ZNF407: variants seen among roughly 807,000 people sequenced by gnomAD.
ZNF407 encodes zinc finger protein 407.
Under a neutral mutation model 131.2 loss-of-function variants are expected in ZNF407, and 17 were observed. The ratio of observed to expected loss-of-function variants is 0.13; its 90% confidence interval spans 0.09 to 0.19. ZNF407 has a LOEUF of 0.19. ZNF407 is among the 10% of genes least tolerant of loss of function. The pLI, the probability that ZNF407 is intolerant of heterozygous loss-of-function variation, is 1.00. For synonymous variants in ZNF407, 1,156 were observed against 1,062.0 expected (o/e 1.09, Z -1.72); for missense variants, 2,681 against 2,830.6 (o/e 0.95, Z 1.20).
intron 3 of ZNF407, among the ~76,000 whole-genome samples, chr18:74,679,650 G>A (rs1193551511): frequency 6.6e-6 from 1 of 152,178 alleles, no homozygotes; most frequent in East Asian, 1.9e-4. Context: ...AGTCCATTCT[G>A]TTTTTCAATT....
At chr18:75,002,050 A>G (rs1465078725) in intron 8 of ZNF407, among the ~76,000 whole-genome samples, 1 of 152,218 alleles carries the variant, frequency 6.6e-6, no homozygotes, top group East Asian at 1.9e-4. Context: ...CTCCACAGGT[A>G]AAGAAACAGG....
chr18:74,628,968 G>A (rs1452601452), intron 1 of ZNF407, among the ~76,000 whole-genome samples: 1 of 152,060 alleles, frequency 6.6e-6, no homozygotes, highest in Non-Finnish European at 1.5e-5. Flanking sequence ...CAAACATTTG[G>A]GTTGTTTCCA....
intron 4 of ZNF407, among the ~76,000 whole-genome samples, chr18:74,859,185 G>T (rs887663896): frequency 2.0e-5 from 3 of 152,298 alleles, no homozygotes; most frequent in Admixed American, 2.0e-4. Context: ...TACGCATGTT[G>T]AAAGTTATAG....
At chr18:75,036,579 T>A (rs888047618) in intron 8 of ZNF407, among the ~76,000 whole-genome samples, 5 of 152,272 alleles carry the variant, frequency 3.3e-5, no homozygotes, top group Non-Finnish European at 1.5e-5. Context: ...TTGTTTTAAC[T>A]AGACTGCAAT....
At chr18:74,737,255 A>G (rs1335494092) in intron 3 of ZNF407, among the ~76,000 whole-genome samples, 1 of 152,182 alleles carries the variant, frequency 6.6e-6, no homozygotes, top group Non-Finnish European at 1.5e-5. Context: ...AGCTGGTGTT[A>G]ATCATTTACT....
intron 8 of ZNF407, among the ~76,000 whole-genome samples, chr18:75,016,421 A>G (rs994630782): frequency 1.3e-5 from 2 of 152,066 alleles, no homozygotes; most frequent in Non-Finnish European, 2.9e-5. Flanking sequence ...AACTTTTACT[A>G]TTTCTCTTAG....
chr18:74,982,130 A>T (rs1321096182), intron 8 of ZNF407, among the ~76,000 whole-genome samples: 1 of 152,162 alleles, frequency 6.6e-6, no homozygotes, highest in East Asian at 1.9e-4. Context: ...AGTATTGAAA[A>T]CATGTGCCTA....
intron 6 of ZNF407, among the ~76,000 whole-genome samples, chr18:74,885,756 A>G (rs1971300774): frequency 6.6e-6 from 1 of 152,182 alleles, no homozygotes; most frequent in Admixed American, 6.5e-5. Flanking sequence ...GCAGTTGGCT[A>G]TCTATGTGCA....
chr18:74,634,543 A>T lies in ZNF407; in HGVS notation c.3524A>T (p.Asp1175Val). 2 of 1,613,812 alleles carry T rather than the reference A, an allele frequency of 1.2e-6. No homozygotes were observed. Among genetic ancestry groups the T allele is most frequent in the Non-Finnish European group, 1.7e-6 (2 of 1,179,882 alleles). Reference protein sequence around the residue: ...CETFQQAPVKDKVRKPEEMMS... With the variant: ...CETFQQAPVKVKVRKPEEMMS... ...ACTTTCCAACAGGCTCCTGTCAAGG[A>T]TAAAGTTAGGAAACCTGAGGAGATG... The change falls in exon 2 of 9, where the codon GAT (aspartate) becomes GTT (valine). Residue 1175 changes from aspartate (D) to valine (V), a missense_variant. Physicochemically the swap from Asp to Val is radical, Grantham distance 152. Around this residue, in one of 6 missense-constraint regions of ZNF407, gnomAD observed 1,789 missense variants for 1,748.7 expected, o/e 1.02. Coordinates refer to ENST00000299687, the MANE Select transcript of ZNF407 (RefSeq NM_017757.3).
At chr18:74,975,063 AG>A (rs1347970349) in intron 8 of ZNF407, among the ~76,000 whole-genome samples, 1 of 152,236 alleles carries the variant, frequency 6.6e-6, no homozygotes, top group African/African-American at 2.4e-5. Context: ...TAATATGCTC[AG>A]TCTTTATGTA....
rs959114377 is a variant in ZNF407, at chr18:74,884,159, T to A, written c.5128+3040T>A. On this transcript the variant is annotated intron_variant, in intron 6 of 8. Transcript: ENST00000299687. ...TCTTTTCATATAATGTATGTCATCT[T>A]CAAACCATTAGCAAATATTTAGCAA... Among the ~76,000 whole-genome samples the A allele has an allele frequency of 5.3e-5, 8 of 152,346 alleles. 1 individual carries two copies. Among genetic ancestry groups the A allele is most frequent in the African/African-American group, 1.9e-4 (8 of 41,584 alleles).
intron 3 of ZNF407, among the ~76,000 whole-genome samples, chr18:74,672,588 GTCTGTTTGTTGGAGCACTGTTTT>G (rs371196111): frequency 0.023 from 3,455 of 151,406 alleles, 146 homozygotes; most frequent in African/African-American, 0.079. Context: ...AGCACTGTTT[GTCTGTTTGTTGGAGCACTGTTTT>G]TCTGTTCATT....
intron 8 of ZNF407, among the ~76,000 whole-genome samples, chr18:74,956,334 C>T (rs1021120057): frequency 1.3e-5 from 2 of 152,030 alleles, no homozygotes; most frequent in African/African-American, 4.8e-5. Context: ...AACAGAGACC[C>T]TGCTCTTGAC....
chr18:74,754,651 G>A (rs1968886124), intron 3 of ZNF407, among the ~76,000 whole-genome samples: 1 of 152,156 alleles, frequency 6.6e-6, no homozygotes, highest in African/African-American at 2.4e-5. Flanking sequence ...CCATGTAGTT[G>A]TGTGGTTTCG....
At chr18:74,908,332 T>C (rs914397695) in intron 7 of ZNF407, among the ~76,000 whole-genome samples, 6 of 152,222 alleles carry the variant, frequency 3.9e-5, no homozygotes, top group African/African-American at 1.4e-4. Context: ...GGTTTCCTTA[T>C]GTTAAAATTT....
chr18:74,908,582 A>G (rs1971627050), intron 7 of ZNF407, among the ~76,000 whole-genome samples: 1 of 152,198 alleles, frequency 6.6e-6, no homozygotes, highest in South Asian at 2.1e-4. Context: ...CGTTGATAAC[A>G]TGTTCCCTTT....
chr18:74,772,037 A>G lies in ZNF407; in HGVS notation c.4803-9391A>G, dbSNP rs370629284. On this transcript the variant is annotated intron_variant, in intron 3 of 8. Transcript: ENST00000299687. The stretch of plus-strand genomic sequence containing the variant: ...TATAATCTTTCATTAGGCAAGAAGT[A>G]TGGAGTGGTGGAGAGACTTCTGTAT... Among the ~76,000 whole-genome samples the G allele has an allele frequency of 3.9e-5, 6 of 152,308 alleles. No homozygotes were observed. In the East Asian group the frequency reaches 9.6e-4, roughly 24 times the overall value.
Position 74,881,128 on chromosome 18 carries a change from C to A in ZNF407, c.5128+9C>A, listed in dbSNP as rs536218433. On this transcript the variant is annotated intron_variant, in intron 6 of 8. Transcript: ENST00000299687. Reference sequence around the variant, plus strand: ...TCGCAGACAGCACACAGGTCAGTTCCGATGCTGCACTGGCCCCTTCTCTGC... The same window carrying A: ...TCGCAGACAGCACACAGGTCAGTTCAGATGCTGCACTGGCCCCTTCTCTGC... 1.9e-6 allele frequency: 3 copies of A among 1,563,468 alleles called. No homozygotes were observed. Among genetic ancestry groups the A allele is most frequent in the Admixed American group, 1.9e-5 (1 of 53,734 alleles).
chr18:74,637,742 G>T (rs536094994), intron 2 of ZNF407, among the ~76,000 whole-genome samples: 1 of 152,116 alleles, frequency 6.6e-6, no homozygotes. Context: ...TGCAGAGACT[G>T]TTATTAATGG....
Sources: gnomAD v4.1 joint callset for allele counts (sites outside exome capture counted in the v4.1 genomes callset) on GRCh38, gnomAD v4.1.1 for gene constraint, gnomAD v4.1.1 regional missense constraint, MANE v1.5 for transcripts, NCBI Gene and HGNC (gene_info 2026-07-23, HGNC 2026-07-21) for gene names.